The following GSE1 variants were observed in gnomAD, a reference collection of about 807,000 sequenced individuals.
GSE1 encodes the protein genetic suppressor element 1.
In GSE1, 32 loss-of-function variants were observed where a neutral mutation model predicts 112.6. That is an observed-to-expected ratio of 0.28 (90% CI 0.21 to 0.38). The LOEUF (loss-of-function observed/expected upper bound fraction) is 0.38. GSE1 is among the 10% of genes least tolerant of loss of function. The probability of loss-of-function intolerance (pLI) is 1.00; values close to 1 mark genes in which losing one functional copy is unlikely to be tolerated. For synonymous variants in GSE1, 1,115 were observed against 735.6 expected (o/e 1.52, Z -8.35); for missense variants, 2,348 against 1,699.2 (o/e 1.38, Z -6.71).
chr16:85,302,453 C>CG (rs2045554021), intron 1 of GSE1, among the ~76,000 whole-genome samples: 1 of 151,898 alleles, frequency 6.6e-6, no homozygotes. Flanking sequence ...ACACCGCCCC[C>CG]CCCCGCCCCC....
chr16:85,444,510 G>C (rs78236852), intron 2 of GSE1, among the ~76,000 whole-genome samples: 1,706 of 152,294 alleles, frequency 0.011, 34 homozygotes, highest in African/African-American at 0.039. Flanking sequence ...ACAGCCTGAG[G>C]AACCCTGGGG....
chr16:85,552,492 C>A (rs1598152669), upstream of GSE1, among the ~76,000 whole-genome samples: 1 of 128,222 alleles, frequency 7.8e-6, no homozygotes, highest in Non-Finnish European at 1.8e-5. Context: ...TCACCACGCC[C>A]GGCTAATTTT....
intron 1 of GSE1, among the ~76,000 whole-genome samples, chr16:85,604,758 A>ATATATATATATATATATATATAT (rs2047613193): frequency 5.0e-4 from 3 of 5,966 alleles, no homozygotes; most frequent in African/African-American, 2.5e-3. Context: ...AAAAAAAAAA[A>ATATATATATATATATATATATAT]AAAAAAAAAA....
upstream of GSE1, among the ~76,000 whole-genome samples, chr16:85,608,626 C>T (rs1289488263): frequency 6.6e-6 from 1 of 152,156 alleles, no homozygotes; most frequent in Non-Finnish European, 1.5e-5. Flanking sequence ...CTGGATGAGA[C>T]TCGTGCTGGA....
intron 1 of GSE1, among the ~76,000 whole-genome samples, chr16:85,338,868 G>A (rs1345718223): frequency 1.3e-5 from 2 of 152,234 alleles, no homozygotes; most frequent in Non-Finnish European, 2.9e-5. Flanking sequence ...GCTGCTGCCG[G>A]TGGCGTTACT....
At chr16:85,290,464 GC>G (rs2045176224) in intron 1 of GSE1, among the ~76,000 whole-genome samples, 1 of 152,102 alleles carries the variant, frequency 6.6e-6, no homozygotes, top group South Asian at 2.1e-4. Context: ...CCTCTAGGGG[GC>G]AAGGAGCATG....
intron 1 of GSE1, among the ~76,000 whole-genome samples, chr16:85,602,123 T>C (rs1220700262): frequency 6.6e-6 from 1 of 152,140 alleles, no homozygotes; most frequent in African/African-American, 2.4e-5. Context: ...GCAGCAAGGA[T>C]GAAGGCAGAA....
At chr16:85,184,876 C>T (rs78856144) in intron 1 of GSE1, among the ~76,000 whole-genome samples, 8,659 of 152,232 alleles carry the variant, frequency 0.057, 461 homozygotes, top group South Asian at 0.22. Context: ...GGACCACAAG[C>T]TCTTGAAGAG....
intron 1 of GSE1, among the ~76,000 whole-genome samples, chr16:85,603,985 G>T (rs1462919437): frequency 1.3e-5 from 2 of 152,012 alleles, no homozygotes; most frequent in Non-Finnish European, 2.9e-5. Context: ...ATTGGTTCAT[G>T]GTTCTGCAGG....
intron 1 of GSE1, among the ~76,000 whole-genome samples, chr16:85,597,498 C>G (rs572236795): frequency 1.7e-3 from 255 of 151,916 alleles, no homozygotes; most frequent in African/African-American, 5.9e-3. Flanking sequence ...GAGACAGGAT[C>G]TCATTCTGTT....
chr16:85,618,823 A>G (rs980363144), intron 1 of GSE1, among the ~76,000 whole-genome samples: 1 of 152,344 alleles, frequency 6.6e-6, no homozygotes, highest in African/African-American at 2.4e-5. Flanking sequence ...ACACCTGGCT[A>G]ATTTTAAAGA....
intron 1 of GSE1, among the ~76,000 whole-genome samples, chr16:85,586,961 TG>T (rs2046728318): frequency 6.6e-6 from 1 of 152,232 alleles, no homozygotes; most frequent in Non-Finnish European, 1.5e-5. Flanking sequence ...CTGTTTTGAT[TG>T]CACTACCATG....
intron 8 of GSE1, among the ~76,000 whole-genome samples, chr16:85,657,987 T>A (rs2052111994): frequency 6.6e-6 from 1 of 152,212 alleles, no homozygotes; most frequent in South Asian, 2.1e-4. Flanking sequence ...AGCCTGGACT[T>A]CTTTTTTTAA....
intron 8 of GSE1, among the ~76,000 whole-genome samples, chr16:85,660,233 A>T (rs565553381): frequency 6.6e-6 from 1 of 152,308 alleles, no homozygotes; most frequent in Admixed American, 6.5e-5. Flanking sequence ...GCAGGTGGGA[A>T]AATCGACCGA....
intron 2 of GSE1, among the ~76,000 whole-genome samples, chr16:85,492,630 T>G (rs2051046661): frequency 6.6e-6 from 1 of 152,168 alleles, no homozygotes; most frequent in African/African-American, 2.4e-5. Context: ...AGCTCCGAAG[T>G]GGCAGAGGTT....
upstream of GSE1, among the ~76,000 whole-genome samples, chr16:85,612,158 C>G (rs1469353423): frequency 1.3e-5 from 2 of 151,568 alleles, no homozygotes; most frequent in Non-Finnish European, 2.9e-5. Context: ...CAGAAGGCGG[C>G]AGGGGAGGCT....
chr16:85,387,109 G>A lies in GSE1; in HGVS notation c.2464+29466G>A, dbSNP rs143789771. Among the ~76,000 whole-genome samples the A allele has an allele frequency of 2.4e-3, 367 of 152,320 alleles. 2 individuals are homozygous for A. Among genetic ancestry groups the A allele is most frequent in the African/African-American group, 8.6e-3 (359 of 41,576 alleles). On this transcript the variant is annotated intron_variant, in intron 2 of 2. Coordinates refer to the GSE1 transcript ENST00000637419. Reference sequence around the variant, plus strand: ...GTGCCCCTGCCACTGCCCGACCACCGTGGTTTCTAGATGGCCCTTCCAGCC... The same window carrying A: ...GTGCCCCTGCCACTGCCCGACCACCATGGTTTCTAGATGGCCCTTCCAGCC...
At position 85,184,014 on chromosome 16, in the gene GSE1, C is replaced by T. The variant is rs184113943; in HGVS notation, c.2283+12207C>T. Reference sequence around the variant, plus strand: ...TGTTTCTGTGGCCTTACTTATCATTCCCCAGAGAGTCTTCAGTCTCCTCTT... The same window carrying T: ...TGTTTCTGTGGCCTTACTTATCATTTCCCAGAGAGTCTTCAGTCTCCTCTT... On this transcript the variant is annotated intron_variant, in intron 1 of 2. Coordinates refer to the GSE1 transcript ENST00000637419. Among the ~76,000 whole-genome samples the T allele has an allele frequency of 4.8e-3, 731 of 152,324 alleles. 21 individuals carry two copies. The highest frequency in any genetic ancestry group is 1.7e-3 in the Non-Finnish European group (114 of 68,034).
intron 2 of GSE1, among the ~76,000 whole-genome samples, chr16:85,390,632 T>C (rs558425331): frequency 6.6e-6 from 1 of 152,238 alleles, no homozygotes; most frequent in Non-Finnish European, 1.5e-5. Flanking sequence ...TGTGCGGATA[T>C]TTTAAATGGG....
Sources: allele counts gnomAD v4.1 joint callset (sites outside exome capture counted in the v4.1 genomes callset), GRCh38; gene constraint gnomAD v4.1.1; transcripts MANE v1.5; gene names NCBI Gene and HGNC (gene_info 2026-07-23, HGNC 2026-07-21).